HIPK2: variants seen among roughly 807,000 people sequenced by gnomAD.
The protein encoded by HIPK2 is homeodomain interacting protein kinase 2.
In HIPK2, 27 loss-of-function variants were observed where a neutral mutation model predicts 113.7. The observed-to-expected ratio is 0.24, with a 90% confidence interval of 0.17 to 0.33. HIPK2 has a LOEUF of 0.33. HIPK2 is among the 10% of genes least tolerant of loss of function. The pLI, the probability that HIPK2 is intolerant of heterozygous loss-of-function variation, is 1.00. For synonymous variants in HIPK2, 631 were observed against 642.2 expected, an observed-to-expected ratio of 0.98 and a Z score of 0.26; for missense variants, 1,257 against 1,588.0, an observed-to-expected ratio of 0.79 and a Z score of 3.54.
chr7:139,743,806 C>G (rs1311781979), intron 1 of HIPK2, among the ~76,000 whole-genome samples: 2 of 152,084 alleles, frequency 1.3e-5, no homozygotes, highest in Non-Finnish European at 2.9e-5. Context: ...GCAGTTAGTT[C>G]CAGAGGTCAC....
rs758832829 is a variant in HIPK2, at chr7:139,573,254, G to A, written c.3270C>T (p.Ala1090=). The change falls in exon 15 of 15, where the codon GCC becomes GCT. Residue 1090 remains alanine, a synonymous_variant. Transcript: ENST00000406875. ...GGGTGGGGAGGTGGGCAGCGGCAGC[G>A]GCTGCAGCCAGATGCGGGTGCACAG... The part of the protein sequence containing the change: ...HGTVHPHLAA[A]AAAAHLPTQP... 1 of 1,604,430 alleles carries A rather than the reference G, an allele frequency of 6.2e-7. No homozygotes were observed. Among genetic ancestry groups the A allele is most frequent in the African/African-American group, 1.3e-5 (1 of 74,890 alleles).
Position 139,620,469 on chromosome 7 carries a change from C to T in HIPK2, c.1714G>A (p.Val572Met), listed in dbSNP as rs1386481971. The T allele has an allele frequency of 6.2e-6, 10 of 1,613,874 alleles. No individual in the cohort carries two copies. The highest frequency in any genetic ancestry group is 7.6e-6 in the Non-Finnish European group (9 of 1,179,940). ...AGGTTGGTGGACGTGCTGGGGGCCA[C>T]GTGCGTGATGAAAGGGGTTTTGCTC... is the stretch of plus-strand genomic sequence containing the variant. Reference protein sequence around the residue: ...NQSKTPFITHVAPSTSTNLTM... With the variant: ...NQSKTPFITHMAPSTSTNLTM... Residue 572 changes from valine (V) to methionine (M), a missense_variant, in exon 7 of 15, where the codon GTG becomes ATG. By Grantham distance (21) the Val-to-Met change is conservative (BLOSUM62 1). This residue lies in a region of HIPK2 where 862 missense variants were observed against 1,004.3 expected (regional missense o/e 0.86). Transcript: ENST00000406875.
At chr7:139,734,979 A>C (rs1795897253) in intron 1 of HIPK2, among the ~76,000 whole-genome samples, 1 of 152,242 alleles carries the variant, frequency 6.6e-6, no homozygotes, top group Non-Finnish European at 1.5e-5. Flanking sequence ...ATTAATGAGA[A>C]TATCTACCAA....
intron 1 of HIPK2, among the ~76,000 whole-genome samples, chr7:139,759,235 C>T (rs1027360149): frequency 6.6e-6 from 1 of 152,172 alleles, no homozygotes; most frequent in Non-Finnish European, 1.5e-5. Context: ...AAAGCTATAA[C>T]AAAATACCAT....
Position 139,630,436 on chromosome 7 carries a change from C to T in HIPK2, c.1347+729G>A, listed in dbSNP as rs1271421804. ...TTTTTGAGACACAGTCTCACTCTGT[C>T]GCCCAGGCTGGAGTGCAGTGGCACA... is the stretch of plus-strand genomic sequence containing the variant. On this transcript the variant is annotated intron_variant, in intron 4 of 14. Transcript: ENST00000406875. This position sits in a 1 kb window ranked among gnomAD's most constrained non-coding sequence, Gnocchi z 4.0. Among the ~76,000 whole-genome samples the T allele has an allele frequency of 6.6e-6, 1 of 152,172 alleles. No individual in the cohort carries two copies. The highest frequency in any genetic ancestry group is 2.4e-5 in the African/African-American group (1 of 41,440).
intron 1 of HIPK2, among the ~76,000 whole-genome samples, chr7:139,756,236 A>G (rs1445462546): frequency 6.6e-6 from 1 of 152,242 alleles, no homozygotes; most frequent in Non-Finnish European, 1.5e-5. Context: ...AGTCTCCTGC[A>G]AACACACACG....
chr7:139,693,691 T>C (rs1794479971), intron 2 of HIPK2, among the ~76,000 whole-genome samples: 1 of 151,650 alleles, frequency 6.6e-6, no homozygotes, highest in Non-Finnish European at 1.5e-5. Flanking sequence ...TATGGGATGC[T>C]ATGATGTCTT....
At chr7:139,680,218 G>A (rs764025680) in intron 2 of HIPK2, among the ~76,000 whole-genome samples, 2 of 152,206 alleles carry the variant, frequency 1.3e-5, no homozygotes, top group Admixed American at 6.5e-5. Flanking sequence ...TGGACTGTTT[G>A]TGTTGGATTC....
At chr7:139,687,560 T>G (rs28512385) in intron 2 of HIPK2, among the ~76,000 whole-genome samples, 13,597 of 152,244 alleles carry the variant, frequency 0.089, 1,053 homozygotes, top group African/African-American at 0.22. Flanking sequence ...CTTAAGAATT[T>G]TGGTTTTAAT....
rs1268441461 is a variant in HIPK2 at position 139,613,352 on chromosome 7, G to T, written c.1991-29C>A. 1.9e-6 allele frequency: 3 copies of T among 1,610,214 alleles called. No homozygotes were observed. The South Asian group carries it at 3.3e-5, about 18-fold the overall frequency. On this transcript the variant is annotated intron_variant, in intron 8 of 14. Coordinates refer to ENST00000406875, the MANE Select transcript of HIPK2 (RefSeq NM_022740.5). The surrounding 1 kb of genome is among the most constrained non-coding windows in gnomAD (Gnocchi z 4.2). Reference sequence around the variant, plus strand: ...TTCCAGACAGTGTGAGGGAGAGAAGGGTTAGCTGAGACGCTGTGAACAGCT... The same window carrying T: ...TTCCAGACAGTGTGAGGGAGAGAAGTGTTAGCTGAGACGCTGTGAACAGCT...
intron 2 of HIPK2, among the ~76,000 whole-genome samples, chr7:139,711,125 A>C (rs1003440426): frequency 1.3e-5 from 2 of 151,956 alleles, no homozygotes; most frequent in African/African-American, 2.4e-5. Flanking sequence ...TTGCACCCCA[A>C]AGAATCAGAC....
chr7:139,761,582 C>G (rs567868671), intron 1 of HIPK2, among the ~76,000 whole-genome samples: 15 of 152,338 alleles, frequency 9.8e-5, no homozygotes, highest in African/African-American at 3.4e-4. Flanking sequence ...ACCTCACACT[C>G]TAGCAGGTCA....
chr7:139,761,783 C>T (rs969858054), intron 1 of HIPK2, among the ~76,000 whole-genome samples: 13 of 152,066 alleles, frequency 8.5e-5, no homozygotes, highest in South Asian at 2.1e-4. Flanking sequence ...AGGTATTAAA[C>T]GAGATGAACT....
intron 1 of HIPK2, among the ~76,000 whole-genome samples, chr7:139,771,323 G>A (rs566982211): frequency 5.3e-5 from 8 of 151,960 alleles, no homozygotes; most frequent in Non-Finnish European, 8.8e-5. Context: ...TCAGATCTAC[G>A]GGAGATAATT....
Position 139,563,075 on chromosome 7 carries a change from C to CG in HIPK2, c.*9851dup, listed in dbSNP as rs1039439929. 7.9e-6 allele frequency: 1 copy of CG among 126,346 alleles called. No individual in the cohort carries two copies. Among genetic ancestry groups the CG allele is most frequent in the African/African-American group, 3.0e-5 (1 of 33,196 alleles). The allele number at this position is 126,346 out of a possible 1,614,324, so 7.8% of individuals were successfully genotyped here. ...AACACAAAAGGGAGGAGAGCAGAAA[C>CG]GGGGGACCGACTGACTCAGGGCAGC... is the stretch of plus-strand genomic sequence containing the variant. On this transcript the variant is annotated 3_prime_UTR_variant, in exon 15 of 15. Coordinates refer to ENST00000406875, the MANE Select transcript of HIPK2 (RefSeq NM_022740.5).
chr7:139,578,210 A>G (rs1310231676), intron 13 of HIPK2, among the ~76,000 whole-genome samples: 1 of 152,072 alleles, frequency 6.6e-6, no homozygotes, highest in Admixed American at 6.5e-5. Context: ...GGGTTTCACC[A>G]TATTGGCCAG....
intron 2 of HIPK2, among the ~76,000 whole-genome samples, chr7:139,699,223 A>G (rs1794642524): frequency 6.6e-6 from 1 of 152,194 alleles, no homozygotes; most frequent in Admixed American, 6.5e-5. Flanking sequence ...GGCCGCAGGG[A>G]GTACATCTCC....
At chr7:139,724,371 TAAATGATACATTTCC>T (rs1795506121) in intron 1 of HIPK2, among the ~76,000 whole-genome samples, 1 of 152,220 alleles carries the variant, frequency 6.6e-6, no homozygotes, top group Non-Finnish European at 1.5e-5. Context: ...TAGCCCATTC[TAAATGATACATTTCC>T]AAAACAGTGT....
chr7:139,772,758 T>C (rs550700807), intron 1 of HIPK2, among the ~76,000 whole-genome samples: 1 of 151,734 alleles, frequency 6.6e-6, no homozygotes, highest in Admixed American at 6.6e-5. Context: ...AGCTATTTTT[T>C]TTTTTTTTTG....
Sources: allele counts gnomAD v4.1 joint callset (sites outside exome capture counted in the v4.1 genomes callset), GRCh38; gene constraint gnomAD v4.1.1; regional missense constraint gnomAD v4.1.1; non-coding constraint Gnocchi (gnomAD v3.1); transcripts MANE v1.5; gene names NCBI Gene and HGNC (gene_info 2026-07-23, HGNC 2026-07-21).